Variants in ARID5B observed in about 807,000 individuals in gnomAD.
ARID5B encodes the protein AT-rich interaction domain 5B.
ARID5B carries 13 observed loss-of-function variants against 97.2 expected under a neutral mutation model. That is an observed-to-expected ratio of 0.13 (90% CI 0.09 to 0.21). The LOEUF (loss-of-function observed/expected upper bound fraction) is 0.21. Among genes scored for constraint, ARID5B ranks in the 10% least tolerant of loss-of-function variants. The pLI, the probability that ARID5B is intolerant of heterozygous loss-of-function variation, is 1.00. For missense variants in ARID5B, 1,210 were observed against 1,465.3 expected, an observed-to-expected ratio of 0.83 and a Z score of 2.84; for synonymous variants, 556 against 570.3, an observed-to-expected ratio of 0.97 and a Z score of 0.36.
At chr10:61,997,584 T>TA (rs1384559985) in intron 3 of ARID5B, among the ~76,000 whole-genome samples, 1 of 152,200 alleles carries the variant, frequency 6.6e-6, no homozygotes, top group African/African-American at 2.4e-5. Context: ...CATAGAAAGC[T>TA]AATTGCACAA....
At chr10:61,999,539 A>G (rs1427285094) in intron 3 of ARID5B, among the ~76,000 whole-genome samples, 1 of 152,164 alleles carries the variant, frequency 6.6e-6, no homozygotes, top group Non-Finnish European at 1.5e-5. Flanking sequence ...TGCCCCTGCC[A>G]AGCCTTACAG....
At chr10:62,041,018 C>T (rs1312513488) in intron 4 of ARID5B, among the ~76,000 whole-genome samples, 1 of 152,056 alleles carries the variant, frequency 6.6e-6, no homozygotes, top group East Asian at 1.9e-4. Context: ...GTGTAACAAA[C>T]CCTCCCTCCA....
At chr10:61,968,429 TA>T (rs1838578199) in intron 3 of ARID5B, among the ~76,000 whole-genome samples, 1 of 152,090 alleles carries the variant, frequency 6.6e-6, no homozygotes, top group South Asian at 2.1e-4. Flanking sequence ...TTTCCAAACT[TA>T]ACTAAGTGTT....
chr10:61,948,934 AAGTTT>A (rs1838280970), intron 3 of ARID5B, among the ~76,000 whole-genome samples: 2 of 152,332 alleles, frequency 1.3e-5, no homozygotes, highest in South Asian at 4.1e-4. Flanking sequence ...ACACTCCCTG[AAGTTT>A]AGGTACCTAT....
intron 3 of ARID5B, among the ~76,000 whole-genome samples, chr10:61,978,988 G>T (rs574951705): frequency 2.0e-5 from 3 of 152,168 alleles, no homozygotes; most frequent in Non-Finnish European, 2.9e-5. Context: ...TATGATATTG[G>T]CTGTGGGTTT....
chr10:62,031,547 C>T (rs1839497277), intron 4 of ARID5B, among the ~76,000 whole-genome samples: 1 of 152,206 alleles, frequency 6.6e-6, no homozygotes, highest in Non-Finnish European at 1.5e-5. Flanking sequence ...GAACTAACCT[C>T]TTCACTGTAG....
intron 3 of ARID5B, among the ~76,000 whole-genome samples, chr10:61,995,127 T>C (rs1779470236): frequency 6.6e-6 from 1 of 152,224 alleles, no homozygotes; most frequent in South Asian, 2.1e-4. Flanking sequence ...AGAAGAATAC[T>C]CCTAGGGGTA....
chr10:61,947,061 C>T (rs1302639812), intron 3 of ARID5B, among the ~76,000 whole-genome samples: 1 of 152,124 alleles, frequency 6.6e-6, no homozygotes, highest in Admixed American at 6.5e-5. Context: ...GTTAACCATG[C>T]ATTCGTTAAA....
chr10:61,952,494 A>C (rs780924350), intron 3 of ARID5B, among the ~76,000 whole-genome samples: 1 of 152,174 alleles, frequency 6.6e-6, no homozygotes, highest in Non-Finnish European at 1.5e-5. Context: ...TAGTGTTAGC[A>C]CTCAGACATC....
chr10:62,036,482 A>G lies in ARID5B; in HGVS notation c.734-14406A>G, dbSNP rs1292401970. The stretch of plus-strand genomic sequence containing the variant: ...AAGTGTTTTGCTGCTAGTACCTCAC[A>G]TTTGGGTCTGAGCAAACAGCTGGGA... On this transcript the variant is annotated intron_variant, in intron 4 of 9. Coordinates refer to ENST00000279873, the MANE Select transcript of ARID5B (RefSeq NM_032199.3). Among the ~76,000 whole-genome samples, 4 of 152,166 alleles carry G rather than the reference A, an allele frequency of 2.6e-5. No homozygotes were observed. In the South Asian group the frequency reaches 6.2e-4, roughly 24 times the overall value.
intron 3 of ARID5B, among the ~76,000 whole-genome samples, chr10:61,993,301 A>C (rs370244238): frequency 2.0e-5 from 3 of 152,336 alleles, no homozygotes; most frequent in Non-Finnish European, 1.5e-5. Flanking sequence ...ACACATTTAC[A>C]TAGAGCTATA....
At chr10:62,049,160 C>T in intron 4 of ARID5B, 1 of 1,235,342 alleles carries the variant, frequency 8.1e-7, no homozygotes, top group South Asian at 2.2e-5. Flanking sequence ...TCAGGATCCA[C>T]AAAACAGGCC....
intron 3 of ARID5B, among the ~76,000 whole-genome samples, chr10:61,967,836 C>T (rs114850371): frequency 1.1e-3 from 160 of 152,030 alleles, no homozygotes; most frequent in African/African-American, 3.8e-3. Flanking sequence ...AAGTACAGAT[C>T]GATGTTGTAA....
At chr10:62,064,988 G>A (rs1245641826) in intron 7 of ARID5B, among the ~76,000 whole-genome samples, 2 of 152,092 alleles carry the variant, frequency 1.3e-5, no homozygotes, top group East Asian at 3.9e-4. Flanking sequence ...TGGCCAGGCT[G>A]GTCTCGAACT....
chr10:61,952,663 G>A (rs528154667), intron 3 of ARID5B, among the ~76,000 whole-genome samples: 1 of 152,176 alleles, frequency 6.6e-6, no homozygotes, highest in African/African-American at 2.4e-5. Context: ...CTCTCTAGTG[G>A]AGAGGCTGTT....
At position 62,000,400 on chromosome 10, in the gene ARID5B, A is replaced by T; in HGVS notation, c.733+79A>T. On this transcript the variant is annotated intron_variant, in intron 4 of 9. Coordinates refer to ENST00000279873, the MANE Select transcript of ARID5B (RefSeq NM_032199.3). This position sits in a 1 kb window ranked among gnomAD's most constrained non-coding sequence, Gnocchi z 4.4. ...TTTTCAGTTCTTCTGAAGAGCGGTG[A>T]TGGGGAACGGGGCTCACTTTCACAA... 1 of 1,330,412 alleles carries T rather than the reference A, an allele frequency of 7.5e-7. No homozygotes were observed. Among genetic ancestry groups the T allele is most frequent in the Non-Finnish European group, 1.0e-6 (1 of 971,844 alleles). The allele number at this position is 1,330,412 out of a possible 1,614,324, so 82.4% of individuals were successfully genotyped here. A position where few individuals can be genotyped will look rare whatever the true frequency, so the allele number is the denominator to read the frequency against.
chr10:62,006,699 C>T (rs1432021544), intron 4 of ARID5B, among the ~76,000 whole-genome samples: 1 of 152,156 alleles, frequency 6.6e-6, no homozygotes, highest in Admixed American at 6.5e-5. Flanking sequence ...CCTCCTTGGG[C>T]AGAGGCCTCA....
intron 6 of ARID5B, among the ~76,000 whole-genome samples, chr10:62,057,740 C>A (rs894443822): frequency 3.9e-5 from 6 of 152,156 alleles, no homozygotes; most frequent in Non-Finnish European, 5.9e-5. Flanking sequence ...AGGGAAAACA[C>A]ATTTCCTAAG....
chr10:62,014,272 T>C (rs1219434472), intron 4 of ARID5B, among the ~76,000 whole-genome samples: 1 of 152,204 alleles, frequency 6.6e-6, no homozygotes, highest in African/African-American at 2.4e-5. Context: ...GACTCAATAC[T>C]GTAGGAATGC....
Sources: allele counts gnomAD v4.1 joint callset (sites outside exome capture counted in the v4.1 genomes callset), GRCh38; gene constraint gnomAD v4.1.1; non-coding constraint Gnocchi (gnomAD v3.1); transcripts MANE v1.5; gene names NCBI Gene and HGNC (gene_info 2026-07-23, HGNC 2026-07-21).